MYLK2: variants seen among roughly 807,000 people sequenced by gnomAD.
MYLK2 encodes myosin light chain kinase 2, skeletal/cardiac muscle.
MYLK2 carries 27 observed loss-of-function variants against 58.2 expected under a neutral mutation model. The observed-to-expected ratio is 0.46, with a 90% confidence interval of 0.34 to 0.64. The LOEUF (loss-of-function observed/expected upper bound fraction) is 0.64, where lower values mean the gene tolerates loss of function less well. Ranked by LOEUF, MYLK2 falls within the 30% of genes least tolerant of loss-of-function variation. MYLK2 has a pLI of 0.01. For missense variants in MYLK2, 676 were observed against 764.3 expected, an observed-to-expected ratio of 0.88 and a Z score of 1.36; for synonymous variants, 310 against 296.7, an observed-to-expected ratio of 1.04 and a Z score of -0.46.
At chr20:31,828,473 T>C (rs1344996014) in intron 8 of MYLK2, 1 of 985,104 alleles carries the variant, frequency 1.0e-6, no homozygotes, top group Non-Finnish European at 1.2e-6. Context: ...GCTGGGTACC[T>C]GCTCCTGGAA....
chr20:31,830,093 G>A (rs571974296), intron 8 of MYLK2, among the ~76,000 whole-genome samples: 49 of 152,312 alleles, frequency 3.2e-4, no homozygotes, highest in African/African-American at 1.1e-3. Context: ...TCCTGGCTCC[G>A]TCGCTTACTT....
chr20:31,820,087 G>A, intron 2 of MYLK2, 39 bp from the exon 3 acceptor site: 8 of 1,611,962 alleles, frequency 5.0e-6, no homozygotes, highest in Non-Finnish European at 6.8e-6. Flanking sequence ...GGGAAGGAAA[G>A]GAGGGTGGAT....
At chr20:31,828,651 T>C (rs2062291442) in intron 8 of MYLK2, 3 of 985,308 alleles carry the variant, frequency 3.0e-6, no homozygotes, top group African/African-American at 3.5e-5. Flanking sequence ...CTGGGTGAAA[T>C]TGAAGTCAGC....
rs1372067366 is a variant in MYLK2, at chr20:31,830,816, C to A, written c.1225-3C>A. The A allele has an allele frequency of 6.2e-7, 1 of 1,613,796 alleles. No individual in the cohort carries two copies. The highest frequency in any genetic ancestry group is 1.3e-5 in the African/African-American group (1 of 74,892). On this transcript the variant is annotated splice_polypyrimidine_tract_variant and splice_region_variant and intron_variant, in intron 8 of 12. Coordinates refer to ENST00000375985, the MANE Select transcript of MYLK2 (RefSeq NM_033118.4). ...CCACCCAGGCCACCCCCTTTCTCCT[C>A]AGCCAGAGAACATCCTGTGTGTCAA...
At chr20:31,824,422 T>C in intron 6 of MYLK2, 70 bp downstream of exon 6, 1 of 1,560,192 alleles carries the variant, frequency 6.4e-7, no homozygotes, top group Non-Finnish European at 8.7e-7. Context: ...ACCTCTCGCC[T>C]CCCTCCACCA....
In MYLK2 at chr20:31,832,142, G is replaced by C; in HGVS notation, c.1710+6G>C. 6.2e-7 allele frequency: 1 copy of C among 1,607,826 alleles called. No homozygotes were observed. Among genetic ancestry groups the C allele is most frequent in the Non-Finnish European group, 8.5e-7 (1 of 1,177,544 alleles). On this transcript the variant is annotated splice_donor_region_variant and intron_variant, in intron 12 of 12. Coordinates refer to ENST00000375985, the MANE Select transcript of MYLK2 (RefSeq NM_033118.4). The stretch of plus-strand genomic sequence containing the variant: ...TCATGAAGAGGCGCTGGAAGGTACC[G>C]CTGGATTCAGGGTGGGGAGGGAGGG...
intron 12 of MYLK2, 105 bp from the exon 13 acceptor site, chr20:31,833,612 C>T (rs2062317638): frequency 4.8e-6 from 5 of 1,035,438 alleles, no homozygotes; most frequent in Middle Eastern, 2.0e-4. Context: ...CCTTCTCTAG[C>T]CTGTGACCCT....
chr20:31,824,359 AGGTTGCGGGGGTGGTGGC>A lies in MYLK2; in HGVS notation c.972+8_972+25del. The A allele has an allele frequency of 6.2e-7, 1 of 1,608,238 alleles. No individual in the cohort carries two copies. The highest frequency in any genetic ancestry group is 8.5e-7 in the Non-Finnish European group (1 of 1,176,684). On this transcript the variant is annotated splice_region_variant and intron_variant, in intron 6 of 12. Transcript: ENST00000375985. ...ACAGACTCCCAAAGACAAGGTAGTGAGGTTGCGGGGGTGGTGGCTGCCCAGGATGGGGAGGGGATCCTT... is the reference window on the plus strand; with the variant it reads ...ACAGACTCCCAAAGACAAGGTAGTGATGCCCAGGATGGGGAGGGGATCCTT...
At chr20:31,830,473 G>C (rs187714986) in intron 8 of MYLK2, among the ~76,000 whole-genome samples, 1 of 152,252 alleles carries the variant, frequency 6.6e-6, no homozygotes, top group Non-Finnish European at 1.5e-5. Context: ...CCCCAGCCTG[G>C]GGGCGGGGAT....
At chr20:31,829,461 A>G (rs914456853) in intron 8 of MYLK2, among the ~76,000 whole-genome samples, 10 of 152,196 alleles carry the variant, frequency 6.6e-5, no homozygotes, top group Admixed American at 1.3e-4. Context: ...GTGGGACACC[A>G]GGCCAAACTA....
At chr20:31,832,232 C>T (rs2062310760) in intron 12 of MYLK2, 96 bp downstream of exon 12, 3 of 1,513,798 alleles carry the variant, frequency 2.0e-6, no homozygotes, top group Non-Finnish European at 2.7e-6. Context: ...TTGGCAGGTT[C>T]TGTTGACCAG....
rs1389317242 is a variant in MYLK2 at position 31,820,184 on chromosome 20, C to T, written c.111C>T (p.Gly37=). ...ERPLAAGKDP[G]PPDPKKAPDP... is the part of the protein sequence containing the mutation. ...CCCTGGCTGCAGGGAAAGACCCTGG[C>T]CCCCCAGACCCAAAGAAAGCTCCGG... The change falls in exon 3 of 13, where the codon GGC becomes GGT. Residue 37 remains glycine (G), a synonymous_variant. Coordinates refer to ENST00000375985, the MANE Select transcript of MYLK2 (RefSeq NM_033118.4). 8.7e-6 allele frequency: 14 copies of T among 1,613,974 alleles called. No individual in the cohort carries two copies. The highest frequency in any genetic ancestry group is 1.1e-5 in the South Asian group (1 of 91,080).
chr20:31,825,183 G>A (rs1314961458), intron 6 of MYLK2, among the ~76,000 whole-genome samples: 1 of 152,238 alleles, frequency 6.6e-6, no homozygotes, highest in African/African-American at 2.4e-5. Flanking sequence ...AGCTCTAGCC[G>A]CTGCAGCCCT....
Position 31,834,477 on chromosome 20 carries a change from GA to G in MYLK2, c.*681del. 1 of 153,150 alleles carries G rather than the reference GA, an allele frequency of 6.5e-6. No individual in the cohort carries two copies. The highest frequency in any genetic ancestry group is 1.9e-4 in the East Asian group (1 of 5,172). 9.5% of individuals were successfully genotyped at this position (153,150 alleles called of 1,614,324 possible). A position where few individuals can be genotyped will look rare whatever the true frequency, so the allele number is the denominator to read the frequency against. On this transcript the variant is annotated 3_prime_UTR_variant, in exon 13 of 13. Transcript: ENST00000375985. ...GCCCAGCCCAGGCCTGGTGGAGGGG[GA>G]GGGGAGAAGCCAAGGGACACAGGAG...
chr20:31,825,436 G>A (rs539732547), intron 6 of MYLK2, among the ~76,000 whole-genome samples: 9 of 152,276 alleles, frequency 5.9e-5, no homozygotes, highest in African/African-American at 2.2e-4. Flanking sequence ...TCAGGGGCTG[G>A]GGAAATGTCA....
In MYLK2 at chr20:31,823,524, C is replaced by T; in HGVS notation, c.820C>T (p.Leu274=). Reference sequence around the variant, plus strand: ...CCCCTTCCCTCACCGCATGGTGGAGCTGAGGACCGGGAATGTCAGCAGTGA... The same window carrying T: ...CCCCTTCCCTCACCGCATGGTGGAGTTGAGGACCGGGAATGTCAGCAGTGA... ...PAPFPHRMVE[L]RTGNVSSEFS... is the part of the protein sequence containing the mutation. The change falls in exon 5 of 13, where the codon CTG becomes TTG. Residue 274 remains leucine, a synonymous_variant. Coordinates refer to ENST00000375985, the MANE Select transcript of MYLK2 (RefSeq NM_033118.4). 1.2e-6 allele frequency: 2 copies of T among 1,613,876 alleles called. No individual in the cohort carries two copies. The highest frequency in any genetic ancestry group is 1.7e-6 in the Non-Finnish European group (2 of 1,180,032).
At position 31,826,843 on chromosome 20, in the gene MYLK2, C is replaced by T. The variant is rs2062282818; in HGVS notation, c.1129C>T (p.His377Tyr). 6.2e-7 allele frequency: 1 copy of T among 1,614,100 alleles called. No homozygotes were observed. Among genetic ancestry groups the T allele is most frequent in the Non-Finnish European group, 8.5e-7 (1 of 1,180,020 alleles). ...CGAGAGGATTGTGGATGAGGACTAC[C>T]ATCTGACCGAGGTGGACACCATGGT... Reference protein sequence around the residue: ...LFERIVDEDYHLTEVDTMVFV... With the variant: ...LFERIVDEDYYLTEVDTMVFV... The change falls in exon 8 of 13, where the codon CAT becomes TAT. Residue 377 changes from histidine to tyrosine, a missense_variant. Physicochemically the swap from His to Tyr is moderately conservative, Grantham distance 83. Coordinates refer to ENST00000375985, the MANE Select transcript of MYLK2 (RefSeq NM_033118.4).
chr20:31,824,831 G>A (rs2062270711), intron 6 of MYLK2, among the ~76,000 whole-genome samples: 1 of 152,252 alleles, frequency 6.6e-6, no homozygotes, highest in South Asian at 2.1e-4. Context: ...GATGCAGGCA[G>A]GTAGAGTGAG....
intron 8 of MYLK2, among the ~76,000 whole-genome samples, chr20:31,827,741 A>G (rs1263937213): frequency 6.7e-6 from 1 of 150,024 alleles, no homozygotes; most frequent in Non-Finnish European, 1.5e-5. Context: ...CTGATCTTGA[A>G]CTCCAGACCT....
Sources: gnomAD v4.1 joint callset for allele counts (sites outside exome capture counted in the v4.1 genomes callset) on GRCh38, gnomAD v4.1.1 for gene constraint, MANE v1.5 for transcripts, NCBI Gene and HGNC (gene_info 2026-07-23, HGNC 2026-07-21) for gene names.